NDC1: variants seen among roughly 807,000 people sequenced by gnomAD.
The protein encoded by NDC1 is NDC1 transmembrane nucleoporin.
Under a neutral mutation model 89.8 loss-of-function variants are expected in NDC1, and 24 were observed. The ratio of observed to expected loss-of-function variants is 0.27; its 90% CI spans 0.19 to 0.38. NDC1 has a LOEUF of 0.38. NDC1 is among the 10% of genes least tolerant of loss of function. The pLI, the probability that NDC1 is intolerant of heterozygous loss-of-function variation, is 1.00. For missense variants in NDC1, 728 were observed against 797.6 expected (o/e 0.91, Z 1.05); for synonymous variants, 296 against 284.8 (o/e 1.04, Z -0.39).
At chr1:53,837,440 G>A (rs1206245311) in intron 1 of NDC1, among the ~76,000 whole-genome samples, 1 of 152,122 alleles carries the variant, frequency 6.6e-6, no homozygotes, top group African/African-American at 2.4e-5. Flanking sequence ...GGGCGTAGTG[G>A]TGCGTATCTA....
chr1:53,789,019 G>T, intron 15 of NDC1, 114 bp downstream of exon 15: 1 of 676,948 alleles, frequency 1.5e-6, no homozygotes, highest in Non-Finnish European at 2.5e-6. Flanking sequence ...ATATAAAAAC[G>T]AATCTGTACA....
Position 53,819,064 on chromosome 1 carries a change from G to C in NDC1, c.610C>G (p.Arg204Gly). 3 of 1,550,984 alleles carry C rather than the reference G, an allele frequency of 1.9e-6. No homozygotes were observed. Among genetic ancestry groups the C allele is most frequent in the Non-Finnish European group, 2.6e-6 (3 of 1,139,446 alleles). The part of the protein sequence containing the change: ...FPIIQQYKFL[R>G]FRRSLLLLVK... ...AATAAGAGCAGAGATCTCCTAAAACGCAAGAACTTGTATTGCTGTGGGGAA... is the reference window on the plus strand; with the variant it reads ...AATAAGAGCAGAGATCTCCTAAAACCCAAGAACTTGTATTGCTGTGGGGAA... The change falls in exon 6 of 18, where the codon CGT becomes GGT. Residue 204 changes from arginine (R) to glycine (G), a missense_variant. Coordinates refer to ENST00000371429, the MANE Select transcript of NDC1 (RefSeq NM_018087.5).
chr1:53,800,286 A>C (rs1481637473), intron 11 of NDC1, among the ~76,000 whole-genome samples: 1 of 150,276 alleles, frequency 6.7e-6, no homozygotes, highest in African/African-American at 2.5e-5. Flanking sequence ...CCCTAAAAAT[A>C]TACACCTCAC....
chr1:53,772,534 C>G (rs1368500233), intron 16 of NDC1, 45 bp from the exon 17 acceptor site: 1 of 1,578,272 alleles, frequency 6.3e-7, no homozygotes, highest in African/African-American at 1.4e-5. Flanking sequence ...ATAAAGAAAG[C>G]CAACCTAGGC....
At chr1:53,779,119 C>CA (rs11412563) in intron 16 of NDC1, among the ~76,000 whole-genome samples, 20,124 of 52,660 alleles carry the variant, frequency 0.38, 2,965 homozygotes, top group Non-Finnish European at 0.41. Context: ...GACTCTGTCG[C>CA]AAAAAAAAAA....
chr1:53,811,791 G>A (rs1408676895), intron 6 of NDC1, among the ~76,000 whole-genome samples: 1 of 152,024 alleles, frequency 6.6e-6, no homozygotes, highest in Non-Finnish European at 1.5e-5. Flanking sequence ...CCTGGCAGGA[G>A]GCCCAATCAG....
chr1:53,835,596 T>C lies in NDC1; in HGVS notation c.82A>G (p.Ser28Gly). ...AGAAATAGCACTGACCAAACAATAC[T>C]TGCAACTATCCTCCAGCCCAAAACC... ...WRVLGWRIVA[S>G]IVWSVLFLPI... is the part of the protein sequence containing the mutation. Residue 28 changes from serine to glycine, a missense_variant, in exon 2 of 18, where the codon AGT becomes GGT. Ser to Gly is a moderately conservative substitution (Grantham distance 56). Coordinates refer to ENST00000371429, the MANE Select transcript of NDC1 (RefSeq NM_018087.5). 3 of 1,612,736 alleles carry C rather than the reference T, an allele frequency of 1.9e-6. No homozygotes were observed. The highest frequency in any genetic ancestry group is 1.7e-4 in the Middle Eastern group (1 of 6,052).
At chr1:53,782,233 C>T (rs1647216604) in intron 16 of NDC1, among the ~76,000 whole-genome samples, 1 of 152,128 alleles carries the variant, frequency 6.6e-6, no homozygotes, top group South Asian at 2.1e-4. Flanking sequence ...GCAGAGGACT[C>T]ATGGGAATAG....
In NDC1 at chr1:53,828,166, A is replaced by G. The variant is rs1648935858; in HGVS notation, c.288T>C (p.Pro96=). 1 of 1,613,838 alleles carries G rather than the reference A, an allele frequency of 6.2e-7. No homozygotes were observed. Among genetic ancestry groups the G allele is most frequent in the Non-Finnish European group, 8.5e-7 (1 of 1,179,906 alleles). Residue 96 remains proline, a synonymous_variant, in exon 4 of 18, where the codon CCT becomes CCC. Transcript: ENST00000371429. Reference sequence around the variant, plus strand: ...GAGCTAGTCTGGAGCAAGGAATAGAAGGCACAACTGCAAAGGAAACACATT... The same window carrying G: ...GAGCTAGTCTGGAGCAAGGAATAGAGGGCACAACTGCAAAGGAAACACATT... ...IFNVEFYAVV[P]SIPCSRLALI... is the part of the protein sequence containing the mutation.
intron 1 of NDC1, among the ~76,000 whole-genome samples, chr1:53,836,993 A>G (rs769340054): frequency 6.6e-6 from 1 of 152,230 alleles, no homozygotes; most frequent in Admixed American, 6.5e-5. Flanking sequence ...TTCAGAAGAC[A>G]CTGTCAGCCA....
At chr1:53,804,138 G>A (rs1427989714) in intron 9 of NDC1, 129 bp from the exon 10 acceptor site, 2 of 678,394 alleles carry the variant, frequency 2.9e-6, no homozygotes, top group Non-Finnish European at 4.9e-6. Flanking sequence ...AAAAATCTCA[G>A]AACCATAACC....
chr1:53,830,089 G>A (rs907548391), intron 3 of NDC1, among the ~76,000 whole-genome samples: 16 of 151,544 alleles, frequency 1.1e-4, no homozygotes, highest in South Asian at 2.1e-4. Context: ...AGGCAGAGGC[G>A]TCAGCGAGCC....
chr1:53,825,772 A>T, intron 5 of NDC1, 26 bp downstream of exon 5: 11 of 1,551,138 alleles, frequency 7.1e-6, no homozygotes, highest in Non-Finnish European at 9.5e-6. Flanking sequence ...AAATTTTGAC[A>T]TCAAGTAATG....
At chr1:53,796,075 T>C (rs1647686858) in intron 13 of NDC1, among the ~76,000 whole-genome samples, 1 of 152,240 alleles carries the variant, frequency 6.6e-6, no homozygotes, top group South Asian at 2.1e-4. Flanking sequence ...TTCAGGTCTC[T>C]GATCAATCAT....
chr1:53,770,071 T>G (rs1286094714), intron 17 of NDC1, among the ~76,000 whole-genome samples: 1 of 152,180 alleles, frequency 6.6e-6, no homozygotes, highest in Non-Finnish European at 1.5e-5. Context: ...TACGACACTG[T>G]CCTACATTTG....
chr1:53,833,304 T>C (rs1649126097), intron 2 of NDC1, among the ~76,000 whole-genome samples: 1 of 152,056 alleles, frequency 6.6e-6, no homozygotes, highest in Admixed American at 6.6e-5. Context: ...GGATTACAGA[T>C]GCCCGCCATG....
chr1:53,789,930 C>A (rs1647432506), intron 14 of NDC1, among the ~76,000 whole-genome samples: 1 of 151,576 alleles, frequency 6.6e-6, no homozygotes. Flanking sequence ...ATGCTGAAAC[C>A]CCATCTCTAC....
At chr1:53,786,934 G>A (rs569572370) in intron 16 of NDC1, among the ~76,000 whole-genome samples, 13 of 152,176 alleles carry the variant, frequency 8.5e-5, no homozygotes, top group African/African-American at 2.4e-4. Flanking sequence ...CACCTCAAGC[G>A]ACCCTCCAGC....
intron 3 of NDC1, among the ~76,000 whole-genome samples, chr1:53,829,457 T>C (rs1323094786): frequency 6.6e-6 from 1 of 152,240 alleles, no homozygotes; most frequent in Non-Finnish European, 1.5e-5. Flanking sequence ...CAAGGCTTGG[T>C]TTAAGGATCA....
Sources: allele counts gnomAD v4.1 joint callset (sites outside exome capture counted in the v4.1 genomes callset), GRCh38; gene constraint gnomAD v4.1.1; transcripts MANE v1.5; gene names NCBI Gene and HGNC (gene_info 2026-07-23, HGNC 2026-07-21).